The following ZNF318 variants were observed in gnomAD, a reference collection of about 807,000 sequenced individuals.
ZNF318 encodes zinc finger protein 318.
ZNF318 carries 51 observed loss-of-function variants against 124.2 expected under a neutral mutation model. The ratio of observed to expected loss-of-function variants is 0.41; its 90% CI spans 0.33 to 0.52. The LOEUF (loss-of-function observed/expected upper bound fraction) is 0.52. Ranked by LOEUF, ZNF318 falls within the 20% of genes least tolerant of loss-of-function variation. The pLI is 0.23. For missense variants in ZNF318, 2,815 were observed against 2,811.2 expected (o/e 1.00, Z -0.03); for synonymous variants, 1,090 against 1,040.7 (o/e 1.05, Z -0.91).
rs754492623 is a variant in ZNF318, at chr6:43,337,204, G to A, written c.6794C>T (p.Thr2265Ile). 5 of 1,613,228 alleles carry A rather than the reference G, an allele frequency of 3.1e-6. No individual in the cohort carries two copies. The highest frequency in any genetic ancestry group is 4.2e-6 in the Non-Finnish European group (5 of 1,179,576). Residue 2265 changes from threonine (T) to isoleucine (I), a missense_variant, in exon 10 of 10, where the codon ACA becomes ATA. Physicochemically the swap from Thr to Ile is moderately conservative, Grantham distance 89. Transcript: ENST00000361428. Reference sequence around the variant, plus strand: ...TGTGTGGTCCTGGATGGCACCAACTGTAGTTTCCTGTTCAGGCATTCCCTG... The same window carrying A: ...TGTGTGGTCCTGGATGGCACCAACTATAGTTTCCTGTTCAGGCATTCCCTG... ...VPQGMPEQETTVGAIQDHTES... is the reference protein window; with the variant it reads ...VPQGMPEQETIVGAIQDHTES...
In ZNF318 at chr6:43,355,678, T is replaced by C. The variant is rs749639808; in HGVS notation, c.1656A>G (p.Pro552=). The C allele has an allele frequency of 6.2e-7, 1 of 1,614,236 alleles. No individual in the cohort carries two copies. Among genetic ancestry groups the C allele is most frequent in the East Asian group, 2.2e-5 (1 of 44,890 alleles). ...CACTCTCAGAGCTCCCAAGGGGCTT[T>C]GGTACGGATTCTGCCTTTAAATCCT... ...EEEDLKAESV[P]KPLGSSESEV... Residue 552 remains proline (P), a synonymous_variant, in exon 4 of 10, where the codon CCA becomes CCG. Transcript: ENST00000361428.
In ZNF318 at chr6:43,356,113, G is replaced by A. The variant is rs753148659; in HGVS notation, c.1221C>T (p.Ser407=). Reference sequence around the variant, plus strand: ...GCCCAGAGTAGAGAGGGTGATCCTGGCTGGAGCTGGTACTGCTGGAAAAAC... The same window carrying A: ...GCCCAGAGTAGAGAGGGTGATCCTGACTGGAGCTGGTACTGCTGGAAAAAC... The part of the protein sequence containing the change: ...LESFSSSTSS[S]QDHPLYSGHP... Residue 407 remains serine, a synonymous_variant, in exon 4 of 10, where the codon AGC becomes AGT. Coordinates refer to ENST00000361428, the MANE Select transcript of ZNF318 (RefSeq NM_014345.3). 1 of 1,613,746 alleles carries A rather than the reference G, an allele frequency of 6.2e-7. No individual in the cohort carries two copies. Among genetic ancestry groups the A allele is most frequent in the Non-Finnish European group, 8.5e-7 (1 of 1,179,836 alleles).
Position 43,357,553 on chromosome 6 carries a change from C to T in ZNF318, c.761G>A (p.Arg254Gln), listed in dbSNP as rs769942951. The T allele has an allele frequency of 5.1e-5, 82 of 1,614,118 alleles. No homozygotes were observed. Among genetic ancestry groups the T allele is most frequent in the Non-Finnish European group, 6.8e-5 (80 of 1,180,032 alleles). The change falls in exon 3 of 10, where the codon CGA becomes CAA. Residue 254 changes from arginine (R) to glutamine (Q), a missense_variant. Physicochemically the swap from Arg to Gln is conservative, Grantham distance 43. Coordinates refer to ENST00000361428, the MANE Select transcript of ZNF318 (RefSeq NM_014345.3). ...TATGGAGTAGCCTTTGAGTTTTTCTCGATTCCGTTCTGTTCCCCGCAACAG... is the reference window on the plus strand; with the variant it reads ...TATGGAGTAGCCTTTGAGTTTTTCTTGATTCCGTTCTGTTCCCCGCAACAG... ...DELLRGTERN[R>Q]EKLKGYSIRS...
rs1779717306 is a variant in ZNF318 at position 43,363,651 on chromosome 6, G to A, written c.548+1641C>T. 7.7e-6 allele frequency: 4 copies of A among 521,258 alleles called. No homozygotes were observed. The South Asian group carries it at 9.0e-5, about 12-fold the overall frequency. 32.3% of individuals were successfully genotyped at this position (521,258 alleles called of 1,614,324 possible). A position where few individuals can be genotyped will look rare whatever the true frequency, so the allele number is the denominator to read the frequency against. ...TTAAGGACATAAAGATCAAGTCCCTGGAGAACTACCTCTTCTTCCTGCCCA... is the reference window on the plus strand; with the variant it reads ...TTAAGGACATAAAGATCAAGTCCCTAGAGAACTACCTCTTCTTCCTGCCCA... On this transcript the variant is annotated intron_variant, in intron 2 of 9. Transcript: ENST00000361428.
Position 43,369,443 on chromosome 6 carries a change from G to A in ZNF318, c.-78C>T. 1.8e-6 allele frequency: 2 copies of A among 1,098,740 alleles called. No homozygotes were observed. Among genetic ancestry groups the A allele is most frequent in the Non-Finnish European group, 2.2e-6 (2 of 892,898 alleles). The allele number at this position is 1,098,740 out of a possible 1,614,324, so 68.1% of individuals were successfully genotyped here. On this transcript the variant is annotated 5_prime_UTR_variant, in exon 1 of 10. Transcript: ENST00000361428. ...CGCAGGCTCGGAGCGCGCCGCCGCA[G>A]CTGCAGCCGCCGCCACCTCGGCCGC...
At chr6:43,360,602 AATGT>A (rs1351406502) in intron 2 of ZNF318, among the ~76,000 whole-genome samples, 2 of 152,242 alleles carry the variant, frequency 1.3e-5, no homozygotes, top group East Asian at 1.9e-4. Context: ...GTTTTTAAAA[AATGT>A]ATGTATGTCC....
rs548729757 is a variant in ZNF318, at chr6:43,340,158, C to G, written c.3840G>C (p.Lys1280Asn). Residue 1280 changes from lysine to asparagine, a missense_variant, in exon 10 of 10, where the codon AAG becomes AAC. By Grantham distance (94) the Lys-to-Asn change is moderately conservative (BLOSUM62 0). Transcript: ENST00000361428. ...AACTTTTCTCCTCTTCTTTTTCTGG[C>G]TTCTTCCAGCTGAATTTCCCAAAAG... is the stretch of plus-strand genomic sequence containing the variant. ...SSSFGKFSWKKPEKEEEKSSL... is the reference protein window; with the variant it reads ...SSSFGKFSWKNPEKEEEKSSL... 1 of 1,614,130 alleles carries G rather than the reference C, an allele frequency of 6.2e-7. No individual in the cohort carries two copies. Among genetic ancestry groups the G allele is most frequent in the South Asian group, 1.1e-5 (1 of 91,070 alleles).
chr6:43,342,910 A>G, intron 6 of ZNF318, 31 bp from the exon 7 acceptor site: 1 of 1,569,806 alleles, frequency 6.4e-7, no homozygotes, highest in Non-Finnish European at 8.7e-7. Context: ...CTTACAAGGA[A>G]TTCAAGGCAA....
chr6:43,340,749 C>CA, intron 9 of ZNF318, 41 bp downstream of exon 9: 1 of 1,572,686 alleles, frequency 6.4e-7, no homozygotes, highest in Non-Finnish European at 8.7e-7. Context: ...ATAATTACTT[C>CA]AGAAAAGTTG....
At chr6:43,365,007 T>G (rs1038433586) in intron 2 of ZNF318, among the ~76,000 whole-genome samples, 3 of 152,252 alleles carry the variant, frequency 2.0e-5, no homozygotes, top group African/African-American at 4.8e-5. Context: ...TGTTCTTCAT[T>G]TGGGGGACTC....
intron 9 of ZNF318, 80 bp from the exon 10 acceptor site, chr6:43,340,582 T>G: frequency 6.7e-7 from 1 of 1,495,968 alleles, no homozygotes; most frequent in Non-Finnish European, 8.8e-7. Flanking sequence ...CTGTTAGAAT[T>G]CATTTAGTAG....
At chr6:43,349,802 G>A (rs1779501797) in intron 5 of ZNF318, among the ~76,000 whole-genome samples, 1 of 152,140 alleles carries the variant, frequency 6.6e-6, no homozygotes, top group Non-Finnish European at 1.5e-5. Flanking sequence ...TTTAAGGAAA[G>A]ACCAGACACT....
chr6:43,366,841 T>C (rs527825653), intron 1 of ZNF318, among the ~76,000 whole-genome samples: 1 of 151,816 alleles, frequency 6.6e-6, no homozygotes, highest in African/African-American at 2.4e-5. Context: ...AACTCCCTTC[T>C]CTGCTCTTAG....
chr6:43,362,974 G>A (rs931858845), intron 2 of ZNF318, among the ~76,000 whole-genome samples: 13 of 152,048 alleles, frequency 8.5e-5, no homozygotes, highest in African/African-American at 2.4e-5. Context: ...AATGTGTAGG[G>A]GGCAACAGTA....
At chr6:43,360,785 C>T (rs1003369142) in intron 2 of ZNF318, among the ~76,000 whole-genome samples, 17 of 152,066 alleles carry the variant, frequency 1.1e-4, no homozygotes, top group Middle Eastern at 3.4e-3. Flanking sequence ...GCTACAAACA[C>T]GGATGAACCT....
rs1779800688 is a variant in ZNF318 at position 43,369,116 on chromosome 6, G to A, written c.250C>T (p.Arg84Trp). 1.6e-6 allele frequency: 2 copies of A among 1,243,492 alleles called. No homozygotes were observed. The highest frequency in any genetic ancestry group is 3.4e-5 in the South Asian group (1 of 29,750). The allele number at this position is 1,243,492 out of a possible 1,614,324, so 77.0% of individuals were successfully genotyped here. A position where few individuals can be genotyped will look rare whatever the true frequency, so the allele number is the denominator to read the frequency against. ...RGRRVSPSPP[R>W]ARRGSPSPPR... ...GGCGACGGGGAGCCGCGACGGGCCC[G>A]AGGCGGGGACGGGGAGACGCGACGA... Residue 84 changes from arginine (R) to tryptophan (W), a missense_variant, in exon 1 of 10, where the codon CGG becomes TGG. Transcript: ENST00000361428.
Position 43,340,230 on chromosome 6 carries a change from T to C in ZNF318, c.3768A>G (p.Lys1256=), listed in dbSNP as rs1257014511. The change falls in exon 10 of 10, where the codon AAA becomes AAG. Residue 1256 remains lysine, a synonymous_variant. Transcript: ENST00000361428. ...TCTTTACCTCTTCTTTTAACTGGAG[T>C]TTGATGCCAGTGTTCCTTTTATTTT... ...KAENKRNTGI[K]LQLKEEVKKE... is the part of the protein sequence containing the mutation. The C allele has an allele frequency of 6.2e-7, 1 of 1,614,184 alleles. No individual in the cohort carries two copies. Among genetic ancestry groups the C allele is most frequent in the Non-Finnish European group, 8.5e-7 (1 of 1,180,040 alleles).
In ZNF318 at chr6:43,338,656, A is replaced by C. The variant is rs1178767026; in HGVS notation, c.5342T>G (p.Leu1781Arg). Reference protein sequence around the residue: ...RESEIETNTELKERVKELSEG... With the variant: ...RESEIETNTERKERVKELSEG... Reference sequence around the variant, plus strand: ...AGACAGCTCCTTTACCCTTTCTTTTAGTTCAGTGTTTGTCTCTATCTCACT... The same window carrying C: ...AGACAGCTCCTTTACCCTTTCTTTTCGTTCAGTGTTTGTCTCTATCTCACT... Residue 1781 changes from leucine to arginine, a missense_variant, in exon 10 of 10, where the codon CTA becomes CGA. This residue lies in a region of ZNF318 where 927 missense variants were observed against 820.6 expected (regional missense o/e 1.13). Transcript: ENST00000361428. 6.2e-7 allele frequency: 1 copy of C among 1,614,050 alleles called. No individual in the cohort carries two copies. The highest frequency in any genetic ancestry group is 8.5e-7 in the Non-Finnish European group (1 of 1,180,004).
At chr6:43,360,387 G>T (rs1036210545) in intron 2 of ZNF318, among the ~76,000 whole-genome samples, 2 of 152,200 alleles carry the variant, frequency 1.3e-5, no homozygotes, top group Non-Finnish European at 2.9e-5. Flanking sequence ...ACTGGCTGTA[G>T]TAAGAACCCT....
Sources: allele counts gnomAD v4.1 joint callset (sites outside exome capture counted in the v4.1 genomes callset), GRCh38; gene constraint gnomAD v4.1.1; regional missense constraint gnomAD v4.1.1; transcripts MANE v1.5; gene names NCBI Gene and HGNC (gene_info 2026-07-23, HGNC 2026-07-21).